Variants in STRADA observed in about 807,000 individuals in gnomAD.
STRADA encodes STE20-related kinase adapter protein alpha.
A neutral mutation model predicts 55.0 loss-of-function variants in STRADA; 26 were observed. That is an observed-to-expected ratio of 0.47 (90% confidence interval 0.35 to 0.66). STRADA has a LOEUF of 0.66. Ranked by LOEUF, STRADA falls within the 30% of genes least tolerant of loss-of-function variation. The pLI is 0.01. For synonymous variants in STRADA, 197 were observed against 210.9 expected (o/e 0.93, Z 0.57); for missense variants, 443 against 549.7 (o/e 0.81, Z 1.94).
At chr17:63,732,465 G>A (rs2038134280) in intron 1 of STRADA, among the ~76,000 whole-genome samples, 1 of 151,214 alleles carries the variant, frequency 6.6e-6, no homozygotes, top group Non-Finnish European at 1.5e-5. Flanking sequence ...GACCACAGGT[G>A]TGAGAAGCTG....
chr17:63,738,676 G>A (rs555705904), intron 1 of STRADA, among the ~76,000 whole-genome samples: 1 of 151,892 alleles, frequency 6.6e-6, no homozygotes, highest in African/African-American at 2.4e-5. Flanking sequence ...CAGGCAATAT[G>A]GTGAAACCCC....
intron 8 of STRADA, 49 bp from the exon 9 acceptor site, chr17:63,707,467 T>C (rs2036178334): frequency 6.3e-7 from 1 of 1,599,482 alleles, no homozygotes; most frequent in Admixed American, 1.7e-5. Flanking sequence ...CCCCTCCTGC[T>C]ACAAATTTTT....
chr17:63,735,053 G>T (rs1446245850), intron 1 of STRADA, among the ~76,000 whole-genome samples: 2 of 152,076 alleles, frequency 1.3e-5, no homozygotes, highest in African/African-American at 4.8e-5. Context: ...TATTTGTGAA[G>T]CTGAGACAGG....
chr17:63,707,607 T>TCAAAAAA, intron 8 of STRADA, 189 bp from the exon 9 acceptor site: 1 of 580,970 alleles, frequency 1.7e-6, no homozygotes, highest in Non-Finnish European at 3.0e-6. Context: ...GTCACCCGGC[T>TCAAAAAA]AGAGTGCAGT....
In STRADA at chr17:63,706,684, C is replaced by T; in HGVS notation, c.809G>A (p.Cys270Tyr). 3 of 1,614,120 alleles carry T rather than the reference C, an allele frequency of 1.9e-6. No homozygotes were observed. The highest frequency in any genetic ancestry group is 1.7e-6 in the Non-Finnish European group (2 of 1,179,962). ...GGGGACATGGCCGTTGGCCAGTTCA[C>T]AGGCTGTGATTCCCACACTGTAGAT... is the stretch of plus-strand genomic sequence containing the variant. ...SDIYSVGITACELANGHVPFK... is the reference protein window; with the variant it reads ...SDIYSVGITAYELANGHVPFK... The change falls in exon 10 of 13, where the codon TGT (cysteine) becomes TAT (tyrosine). Residue 270 changes from cysteine to tyrosine, a missense_variant. By Grantham distance (194) the Cys-to-Tyr change is radical. Transcript: ENST00000336174.
chr17:63,708,968 C>T (rs1344559799), intron 8 of STRADA, among the ~76,000 whole-genome samples: 1 of 152,192 alleles, frequency 6.6e-6, no homozygotes, highest in Non-Finnish European at 1.5e-5. Flanking sequence ...AGTTTCCAGA[C>T]ACATCTGTAT....
rs770658281 is a variant in STRADA, at chr17:63,703,758, G to A, written c.1144-7C>T. 5.0e-6 allele frequency: 8 copies of A among 1,613,558 alleles called. No individual in the cohort carries two copies. The East Asian group carries it at 8.9e-5, about 18-fold the overall frequency. ...CTGAGGCACGTCGCTTGATCTGGGG[G>A]AGAAGAGAGAGGTGGGTGACAGATC... On this transcript the variant is annotated splice_polypyrimidine_tract_variant and splice_region_variant and intron_variant, in intron 12 of 12. Transcript: ENST00000336174.
intron 8 of STRADA, 81 bp from the exon 9 acceptor site, chr17:63,707,499 GC>G: frequency 7.3e-7 from 1 of 1,365,000 alleles, no homozygotes; most frequent in Non-Finnish European, 1.0e-6. Context: ...ACTCCACCTG[GC>G]CAGCTCTCTC....
chr17:63,716,708 G>A (rs867294571), intron 4 of STRADA, among the ~76,000 whole-genome samples: 1 of 152,138 alleles, frequency 6.6e-6, no homozygotes, highest in Non-Finnish European at 1.5e-5. Context: ...TCTCATGGAG[G>A]ATCACAAGGT....
intron 1 of STRADA, among the ~76,000 whole-genome samples, chr17:63,740,141 T>G (rs1001233714): frequency 2.4e-5 from 1 of 41,576 alleles, no homozygotes; most frequent in Admixed American, 3.3e-4. Flanking sequence ...CATACATATA[T>G]ATATATACAC....
intron 1 of STRADA, among the ~76,000 whole-genome samples, chr17:63,739,935 G>A (rs2038765698): frequency 6.8e-6 from 1 of 147,438 alleles, no homozygotes; most frequent in Non-Finnish European, 1.5e-5. Context: ...AGGAGTGACT[G>A]GCTCCGGCAG....
intron 4 of STRADA, chr17:63,715,492 T>G (rs904276427): frequency 1.3e-5 from 2 of 152,242 alleles, no homozygotes; most frequent in African/African-American, 4.8e-5. Flanking sequence ...TATCTCTTTG[T>G]CGCTCAGGCT....
At chr17:63,736,835 CACG>C (rs2038464101) in intron 1 of STRADA, among the ~76,000 whole-genome samples, 1 of 84,766 alleles carries the variant, frequency 1.2e-5, no homozygotes, top group Non-Finnish European at 2.1e-5. Context: ...TTCTTCCCCC[CACG>C]CCCCCCCCAC....
intron 1 of STRADA, among the ~76,000 whole-genome samples, chr17:63,734,618 CAG>C (rs1444204734): frequency 6.6e-6 from 1 of 151,950 alleles, no homozygotes; most frequent in Non-Finnish European, 1.5e-5. Context: ...GCCTGGATGA[CAG>C]AGTGAGACCC....
Position 63,736,761 on chromosome 17 carries a change from T to A in STRADA, c.-45+4980A>T, listed in dbSNP as rs1598277337. On this transcript the variant is annotated intron_variant, in intron 1 of 12. Coordinates refer to ENST00000336174, the MANE Select transcript of STRADA (RefSeq NM_001003787.4). The stretch of plus-strand genomic sequence containing the variant: ...TGGCAGGTTGAAGAAAATATAATAA[T>A]ATCATGAAATATACAGATTATAAAG... Among the ~76,000 whole-genome samples, 4 of 151,090 alleles carry A rather than the reference T, an allele frequency of 2.6e-5. No individual in the cohort carries two copies. In the Admixed American group the frequency reaches 2.7e-4, roughly 10 times the overall value.
rs748543903 is a variant in STRADA, at chr17:63,726,673, A to G, written c.59T>C (p.Ile20Thr). ...RIRRWVSEKFIVEGLRDLELF... is the reference protein window; with the variant it reads ...RIRRWVSEKFTVEGLRDLELF... ...TTCCAAATCTCTTAAGCCCTCAACAATGAACTTTTCCGAGACCCACCGCTA... is the reference window on the plus strand; with the variant it reads ...TTCCAAATCTCTTAAGCCCTCAACAGTGAACTTTTCCGAGACCCACCGCTA... The change falls in exon 3 of 13, where the codon ATT becomes ACT. Residue 20 changes from isoleucine to threonine, a missense_variant. Coordinates refer to ENST00000336174, the MANE Select transcript of STRADA (RefSeq NM_001003787.4). 6.2e-7 allele frequency: 1 copy of G among 1,614,092 alleles called. No individual in the cohort carries two copies. Among genetic ancestry groups the G allele is most frequent in the East Asian group, 2.2e-5 (1 of 44,864 alleles).
In STRADA at chr17:63,703,898, A is replaced by C. The variant is rs775747820; in HGVS notation, c.1143+107T>G. The C allele has an allele frequency of 2.6e-5, 41 of 1,607,278 alleles. No homozygotes were observed. In the African/African-American group the frequency reaches 4.4e-4, roughly 17 times the overall value. On this transcript the variant is annotated intron_variant, in intron 12 of 12. Transcript: ENST00000336174. ...AGCAGTGTCTTTCAGGGGCTTCGGA[A>C]GCGGGGTAGTTTCTCTCATTCAAAG...
At chr17:63,738,080 C>G (rs925050311) in intron 1 of STRADA, among the ~76,000 whole-genome samples, 1 of 151,722 alleles carries the variant, frequency 6.6e-6, no homozygotes, top group African/African-American at 2.4e-5. Context: ...CGGTGGCTCA[C>G]GCTTATAATC....
Position 63,728,392 on chromosome 17 carries a change from C to T in STRADA, c.-23G>A, listed in dbSNP as rs745956545. ...CATGAGTTCCTACTGTGTAGGCCTA[C>T]TTCAGTTTCAAAAACTTAAACCTAA... On this transcript the variant is annotated 5_prime_UTR_variant, in exon 2 of 13. Coordinates refer to ENST00000336174, the MANE Select transcript of STRADA (RefSeq NM_001003787.4). 5.0e-6 allele frequency: 8 copies of T among 1,591,662 alleles called. No homozygotes were observed. The Admixed American group carries it at 1.4e-4, about 28-fold the overall frequency.
Sources: gnomAD v4.1 joint callset for allele counts (sites outside exome capture counted in the v4.1 genomes callset) on GRCh38, gnomAD v4.1.1 for gene constraint, MANE v1.5 for transcripts, NCBI Gene and HGNC (gene_info 2026-07-23, HGNC 2026-07-21) for gene names.